Variants in KCNIP1 observed in about 807,000 individuals in gnomAD.
KCNIP1 encodes the protein potassium voltage-gated channel interacting protein 1, also known as A-type potassium channel modulatory protein KCNIP1.
Under a neutral mutation model 33.0 loss-of-function variants are expected in KCNIP1, and 18 were observed. That is an observed-to-expected ratio of 0.55 (90% CI 0.38 to 0.81). KCNIP1 has a LOEUF of 0.81. Ranked by LOEUF, KCNIP1 falls within the 30% of genes least tolerant of loss-of-function variation. The pLI is 0.00. For missense variants in KCNIP1, 238 were observed against 271.6 expected, an observed-to-expected ratio of 0.88 and a Z score of 0.87; for synonymous variants, 93 against 98.3, an observed-to-expected ratio of 0.95 and a Z score of 0.32.
intron 1 of KCNIP1, among the ~76,000 whole-genome samples, chr5:170,518,665 A>G (rs762647342): frequency 1.3e-5 from 2 of 152,196 alleles, no homozygotes; most frequent in Non-Finnish European, 2.9e-5. Context: ...GCAATTCGAT[A>G]ACCTGGCAGG....
At chr5:170,431,895 C>T (rs1755750366) in intron 1 of KCNIP1, among the ~76,000 whole-genome samples, 1 of 152,244 alleles carries the variant, frequency 6.6e-6, no homozygotes, top group South Asian at 2.1e-4. Flanking sequence ...ACACCTGCCT[C>T]TGCTGTCCCC....
At chr5:170,359,020 C>G (rs1163089565) in intron 1 of KCNIP1, among the ~76,000 whole-genome samples, 2 of 152,184 alleles carry the variant, frequency 1.3e-5, no homozygotes, top group East Asian at 3.9e-4. Flanking sequence ...GAGCAGCCAC[C>G]TGTCATGCAA....
intron 1 of KCNIP1, among the ~76,000 whole-genome samples, chr5:170,606,332 A>G (rs1758917907): frequency 6.6e-6 from 1 of 152,214 alleles, no homozygotes; most frequent in African/African-American, 2.4e-5. Context: ...ACAGTTTTCC[A>G]TAACAGCTGC....
At chr5:170,367,352 A>AGAAG (rs1561586696) in intron 1 of KCNIP1, among the ~76,000 whole-genome samples, 5 of 41,726 alleles carry the variant, frequency 1.2e-4, no homozygotes, top group African/African-American at 5.0e-4. Flanking sequence ...GGAAAGAAAA[A>AGAAG]GAAAGAAAGA....
At chr5:170,679,832 T>C (rs537880871) in intron 1 of KCNIP1, among the ~76,000 whole-genome samples, 2 of 152,248 alleles carry the variant, frequency 1.3e-5, no homozygotes, top group Admixed American at 1.3e-4. Flanking sequence ...ATGTATGCAC[T>C]ATAATTTATG....
chr5:170,517,738 T>C (rs562879632), intron 1 of KCNIP1, among the ~76,000 whole-genome samples: 10 of 148,240 alleles, frequency 6.7e-5, no homozygotes, highest in Admixed American at 1.3e-4. Flanking sequence ...ATTATGGAGG[T>C]GGTGATGGTG....
Position 170,732,811 on chromosome 5 carries a change from C to A in KCNIP1, c.447C>A (p.Asp149Glu). Reference protein sequence around the residue: ...DGYINKEEMMDIVKAIYDMMG... With the variant: ...DGYINKEEMMEIVKAIYDMMG... Reference sequence around the variant, plus strand: ...TGTCCCTGCTCCAGGAGATGATGGACATTGTCAAAGCCATCTATGACATGA... The same window carrying A: ...TGTCCCTGCTCCAGGAGATGATGGAAATTGTCAAAGCCATCTATGACATGA... Residue 149 changes from aspartate (D) to glutamate (E), a missense_variant, in exon 6 of 8, where the codon GAC (aspartate) becomes GAA (glutamate). Asp to Glu is a conservative substitution (Grantham distance 45). Coordinates refer to ENST00000328939, the MANE Select transcript of KCNIP1 (RefSeq NM_014592.4). The A allele has an allele frequency of 6.2e-7, 1 of 1,609,218 alleles. No homozygotes were observed.
intron 1 of KCNIP1, among the ~76,000 whole-genome samples, chr5:170,441,590 G>A (rs1276657706): frequency 6.6e-6 from 1 of 152,142 alleles, no homozygotes. Context: ...CAGCCCTAGA[G>A]CCCACTGCAG....
chr5:170,457,578 A>T (rs1281970820), intron 1 of KCNIP1, among the ~76,000 whole-genome samples: 1 of 152,210 alleles, frequency 6.6e-6, no homozygotes, highest in Non-Finnish European at 1.5e-5. Context: ...GGGTGGCTAG[A>T]TCCAGAAGAG....
intron 1 of KCNIP1, among the ~76,000 whole-genome samples, chr5:170,389,015 G>T (rs1256036362): frequency 2.6e-5 from 4 of 152,084 alleles, no homozygotes; most frequent in Admixed American, 6.5e-5. Flanking sequence ...CAGCCTTCTG[G>T]CCACTCTGAG....
intron 1 of KCNIP1, among the ~76,000 whole-genome samples, chr5:170,631,808 A>T (rs1403657326): frequency 6.6e-6 from 1 of 152,192 alleles, no homozygotes; most frequent in African/African-American, 2.4e-5. Flanking sequence ...CCCCCACTAG[A>T]GACCTGGGCC....
chr5:170,438,247 A>G (rs565367529), intron 1 of KCNIP1, among the ~76,000 whole-genome samples: 40 of 152,310 alleles, frequency 2.6e-4, no homozygotes, highest in African/African-American at 9.4e-4. Context: ...CCAGACCAGT[A>G]CTGAGCTTTT....
intron 1 of KCNIP1, among the ~76,000 whole-genome samples, chr5:170,455,472 T>C (rs1039550192): frequency 2.6e-5 from 4 of 152,238 alleles, no homozygotes; most frequent in Non-Finnish European, 5.9e-5. Context: ...CCCAAAGTGC[T>C]GGGATTATAG....
At chr5:170,514,802 G>C in intron 1 of KCNIP1, among the ~76,000 whole-genome samples, 1 of 152,324 alleles carries the variant, frequency 6.6e-6, no homozygotes, top group Non-Finnish European at 1.5e-5. Context: ...GGCACCTGCT[G>C]CATGCCAAGG....
chr5:170,568,673 A>AAAAAAAAAAAAAAGAGGG (rs1757289741), intron 1 of KCNIP1, among the ~76,000 whole-genome samples: 1 of 147,532 alleles, frequency 6.8e-6, no homozygotes, highest in Admixed American at 6.8e-5. Flanking sequence ...AAAAAAAAAA[A>AAAAAAAAAAAAAAGAGGG]TTAGCCAAGC....
In KCNIP1 at chr5:170,733,860, A is replaced by T. The variant is rs1764293432; in HGVS notation, c.565A>T (p.Ile189Phe). 6.2e-7 allele frequency: 1 copy of T among 1,613,696 alleles called. No individual in the cohort carries two copies. Among genetic ancestry groups the T allele is most frequent in the African/African-American group, 1.3e-5 (1 of 74,912 alleles). The change falls in exon 7 of 8, where the codon ATC (isoleucine) becomes TTC (phenylalanine). Residue 189 changes from isoleucine to phenylalanine, a missense_variant. Physicochemically the swap from Ile to Phe is conservative, Grantham distance 21 (BLOSUM62 0). Transcript: ENST00000328939. ...FQKMDKNKDGIVTLDEFLESC... is the reference protein window; with the variant it reads ...FQKMDKNKDGFVTLDEFLESC... ...GAAAATGGACAAAAATAAAGATGGCATCGTAACTTTAGATGAATTTCTTGA... is the reference window on the plus strand; with the variant it reads ...GAAAATGGACAAAAATAAAGATGGCTTCGTAACTTTAGATGAATTTCTTGA...
At chr5:170,422,728 T>C (rs970688967) in intron 1 of KCNIP1, 3 of 152,234 alleles carry the variant, frequency 2.0e-5, no homozygotes, top group Admixed American at 6.5e-5. Flanking sequence ...AATAGATATA[T>C]AACAAAACAG....
chr5:170,666,262 T>C (rs1761697649), intron 1 of KCNIP1, among the ~76,000 whole-genome samples: 2 of 152,238 alleles, frequency 1.3e-5, no homozygotes, highest in Admixed American at 6.5e-5. Context: ...CACCTTTGGG[T>C]ACTGGGGCTC....
chr5:170,410,886 G>A (rs1755169083), intron 1 of KCNIP1, among the ~76,000 whole-genome samples: 1 of 152,188 alleles, frequency 6.6e-6, no homozygotes, highest in South Asian at 2.1e-4. Flanking sequence ...CACAGACGCA[G>A]GTGAAACTCC....
Sources: allele counts gnomAD v4.1 joint callset (sites outside exome capture counted in the v4.1 genomes callset), GRCh38; gene constraint gnomAD v4.1.1; transcripts MANE v1.5; gene names NCBI Gene and HGNC (gene_info 2026-07-23, HGNC 2026-07-21).